Variants in TTK observed in about 807,000 individuals in gnomAD.
The protein encoded by TTK is TTK protein kinase, also known as dual specificity protein kinase TTK.
In TTK, 59 loss-of-function variants were observed where a neutral mutation model predicts 117.3. The ratio of observed to expected loss-of-function variants is 0.50; its 90% CI spans 0.41 to 0.62. The LOEUF (loss-of-function observed/expected upper bound fraction) is 0.62, where lower values mean the gene tolerates loss of function less well. TTK is among the 20% of genes least tolerant of loss of function. TTK has a pLI of 0.00. For synonymous variants in TTK, 302 were observed against 325.0 expected (o/e 0.93, Z 0.76); for missense variants, 921 against 989.4 (o/e 0.93, Z 0.93).
Position 80,036,527 on chromosome 6 carries a change from G to T in TTK, c.1977G>T (p.Met659Ile), listed in dbSNP as rs1035835841. 1 of 1,611,858 alleles carries T rather than the reference G, an allele frequency of 6.2e-7. No homozygotes were observed. The highest frequency in any genetic ancestry group is 8.5e-7 in the Non-Finnish European group (1 of 1,178,900). Residue 659 changes from methionine (M) to isoleucine (I), a missense_variant, in exon 17 of 22, where the codon ATG becomes ATT. Physicochemically the swap from Met to Ile is conservative, Grantham distance 10. Transcript: ENST00000369798. Reference sequence around the variant, plus strand: ...CTAACTTTCTGATAGTTGATGGAATGCTAAAGCTAATTGATTTTGGGATTG... The same window carrying T: ...CTAACTTTCTGATAGTTGATGGAATTCTAAAGCTAATTGATTTTGGGATTG... ...KPANFLIVDGMLKLIDFGIAN... is the reference protein window; with the variant it reads ...KPANFLIVDGILKLIDFGIAN...
chr6:80,041,518 A>G (rs535698152), intron 21 of TTK, among the ~76,000 whole-genome samples: 6 of 151,770 alleles, frequency 4.0e-5, no homozygotes, highest in African/African-American at 9.6e-5. Flanking sequence ...TGTATTTTGT[A>G]TCTCCATGTT....
chr6:80,013,778 C>T (rs1364064278), intron 9 of TTK, among the ~76,000 whole-genome samples: 1 of 151,920 alleles, frequency 6.6e-6, no homozygotes, highest in Non-Finnish European at 1.5e-5. Context: ...GAGGTGAGGA[C>T]ATAAATAATC....
intron 13 of TTK, among the ~76,000 whole-genome samples, 164 bp from the exon 14 acceptor site, chr6:80,031,302 GT>G (rs891630559): frequency 1.3e-5 from 2 of 151,180 alleles, no homozygotes; most frequent in East Asian, 1.9e-4. Flanking sequence ...ATTTTTTAAG[GT>G]TTTTTTTCTT....
intron 17 of TTK, 198 bp from the exon 18 acceptor site, chr6:80,037,769 A>G: frequency 4.0e-6 from 1 of 248,046 alleles, no homozygotes; most frequent in Non-Finnish European, 7.5e-6. Context: ...CGTTGTCAGC[A>G]GTTATTTGAA....
intron 1 of TTK, among the ~76,000 whole-genome samples, chr6:80,005,203 TTAACAA>T (rs1766955918): frequency 1.3e-5 from 2 of 152,122 alleles, no homozygotes; most frequent in Non-Finnish European, 2.9e-5. Flanking sequence ...AAAGATACGA[TTAACAA>T]TAAGACTGCA....
intron 16 of TTK, among the ~76,000 whole-genome samples, chr6:80,035,842 C>T (rs1425687897): frequency 6.6e-6 from 1 of 152,018 alleles, no homozygotes; most frequent in Non-Finnish European, 1.5e-5. Flanking sequence ...GGCCTACCTT[C>T]TGGGTTGGTT....
chr6:80,024,443 A>G (rs2127676690), intron 11 of TTK, among the ~76,000 whole-genome samples: 1 of 152,372 alleles, frequency 6.6e-6, no homozygotes, highest in Admixed American at 6.5e-5. Context: ...AAGTACTAGT[A>G]CATGTTACAA....
Position 80,027,140 on chromosome 6 carries a change from G to A in TTK, c.1394+626G>A, listed in dbSNP as rs572749013. 3.3e-5 allele frequency among the ~76,000 whole-genome samples: 5 copies of A among 152,252 alleles called. No individual in the cohort carries two copies. The South Asian group carries it at 8.3e-4, about 25-fold the overall frequency. On this transcript the variant is annotated intron_variant, in intron 12 of 21. Coordinates refer to ENST00000369798, the MANE Select transcript of TTK (RefSeq NM_003318.5). ...ATCAACCGGTGGCTATATCTTTAAT[G>A]TCTTAGGGGATAGCTTAAATCCGTG...
At chr6:80,020,193 T>C (rs1399096352) in intron 10 of TTK, among the ~76,000 whole-genome samples, 2 of 152,202 alleles carry the variant, frequency 1.3e-5, no homozygotes, top group Non-Finnish European at 2.9e-5. Context: ...TCTGATGAAA[T>C]TGGAACCTGT....
chr6:80,005,866 G>C lies in TTK; in HGVS notation c.23G>C (p.Gly8Ala), dbSNP rs1308105195. Reference protein sequence around the residue: MESEDLSGRELTIDSIMN... With the variant: MESEDLSARELTIDSIMN... ...GAAATGGAATCCGAGGATTTAAGTG[G>C]CAGAGAATTGACAATTGATTCCATA... Residue 8 changes from glycine to alanine, a missense_variant, in exon 2 of 22, where the codon GGC (glycine) becomes GCC (alanine). Gly to Ala is a moderately conservative substitution (Grantham distance 60, BLOSUM62 0). Coordinates refer to ENST00000369798, the MANE Select transcript of TTK (RefSeq NM_003318.5). The C allele has an allele frequency of 6.2e-7, 1 of 1,612,718 alleles. No homozygotes were observed. The highest frequency in any genetic ancestry group is 1.3e-5 in the African/African-American group (1 of 74,758).
At chr6:80,025,496 A>G (rs1266113437) in intron 11 of TTK, among the ~76,000 whole-genome samples, 1 of 152,190 alleles carries the variant, frequency 6.6e-6, no homozygotes, top group African/African-American at 2.4e-5. Flanking sequence ...ATTGAAGTGA[A>G]CCTCTGTAGA....
intron 14 of TTK, among the ~76,000 whole-genome samples, chr6:80,034,236 C>T (rs1767832992): frequency 6.6e-6 from 1 of 152,100 alleles, no homozygotes; most frequent in Admixed American, 6.6e-5. Flanking sequence ...TTGAGAGTAT[C>T]TAGAACAGTC....
Position 80,031,578 on chromosome 6 carries a change from T to C in TTK, c.1614+19T>C. 6.9e-7 allele frequency: 1 copy of C among 1,446,674 alleles called. No individual in the cohort carries two copies. Among genetic ancestry groups the C allele is most frequent in the Non-Finnish European group, 9.2e-7 (1 of 1,087,094 alleles). The allele number at this position is 1,446,674 out of a possible 1,614,324, so 89.6% of individuals were successfully genotyped here. ...AAGCAAGGTAAGTATCTTAAAATAT[T>C]TACGAAATAAATAAAAATATTTTAA... On this transcript the variant is annotated intron_variant, in intron 14 of 21. Transcript: ENST00000369798.
chr6:80,036,823 T>G (rs779682397), intron 17 of TTK, among the ~76,000 whole-genome samples: 14 of 152,172 alleles, frequency 9.2e-5, no homozygotes, highest in Non-Finnish European at 1.8e-4. Flanking sequence ...ATGGTTTTCC[T>G]ATAGCTGAAG....
chr6:80,011,455 A>C lies in TTK; in HGVS notation c.635A>C (p.Gln212Pro), dbSNP rs1029122027. Reference protein sequence around the residue: ...NLSASTVLTAQESFSGSLGHL... With the variant: ...NLSASTVLTAPESFSGSLGHL... ...ACAGCATCTACGGTATTAACTGCCC[A>C]AGAATCATTTTCCGGTTCACTTGGG... The change falls in exon 6 of 22, where the codon CAA becomes CCA. Residue 212 changes from glutamine (Q) to proline (P), a missense_variant. Coordinates refer to ENST00000369798, the MANE Select transcript of TTK (RefSeq NM_003318.5). 3.7e-6 allele frequency: 6 copies of C among 1,603,702 alleles called. No individual in the cohort carries two copies. The Admixed American group carries it at 8.7e-5, about 23-fold the overall frequency.
Position 80,035,148 on chromosome 6 carries a change from A to G in TTK, c.1772+6A>G, listed in dbSNP as rs1767862356. 1.3e-6 allele frequency: 2 copies of G among 1,545,308 alleles called. No individual in the cohort carries two copies. The highest frequency in any genetic ancestry group is 1.7e-6 in the Non-Finnish European group (2 of 1,151,824). ...ATCATCCGACTTTATGATTAGTAAG[A>G]ATTCTTTTTAAATTTAAAAAGAAAA... On this transcript the variant is annotated splice_donor_region_variant and intron_variant, in intron 15 of 21. Coordinates refer to ENST00000369798, the MANE Select transcript of TTK (RefSeq NM_003318.5).
chr6:80,029,649 A>G (rs1582107121), intron 13 of TTK, among the ~76,000 whole-genome samples: 1 of 152,086 alleles, frequency 6.6e-6, no homozygotes, highest in Non-Finnish European at 1.5e-5. Flanking sequence ...CAGGAAGGGG[A>G]AGGAGTGAGG....
In TTK at chr6:80,026,482, A is replaced by G. The variant is rs890041265; in HGVS notation, c.1362A>G (p.Pro454=). 6.2e-7 allele frequency: 1 copy of G among 1,613,920 alleles called. No individual in the cohort carries two copies. ...WFDPKSICKT[P]SSNTLDDYMS... ...ACCCAAAATCTATTTGTAAGACACCAAGCAGCAATACCTTGGATGATTACA... is the reference window on the plus strand; with the variant it reads ...ACCCAAAATCTATTTGTAAGACACCGAGCAGCAATACCTTGGATGATTACA... The change falls in exon 12 of 22, where the codon CCA becomes CCG. Residue 454 remains proline, a synonymous_variant. Coordinates refer to ENST00000369798, the MANE Select transcript of TTK (RefSeq NM_003318.5).
chr6:80,038,635 A>C (rs1463261821), intron 18 of TTK, among the ~76,000 whole-genome samples: 2 of 152,188 alleles, frequency 1.3e-5, no homozygotes, highest in Non-Finnish European at 2.9e-5. Context: ...GCTCAGAATC[A>C]TTGCTTGATA....
Sources: gnomAD v4.1 joint callset for allele counts (sites outside exome capture counted in the v4.1 genomes callset) on GRCh38, gnomAD v4.1.1 for gene constraint, MANE v1.5 for transcripts, NCBI Gene and HGNC (gene_info 2026-07-23, HGNC 2026-07-21) for gene names.